Variants in ITGA9 observed in about 807,000 individuals in gnomAD.
ITGA9 encodes integrin alpha-9.
Under a neutral mutation model 127.8 loss-of-function variants are expected in ITGA9, and 56 were observed. That is an observed-to-expected ratio of 0.44 (90% CI 0.35 to 0.55). ITGA9 has a LOEUF of 0.55. Among genes scored for constraint, ITGA9 ranks in the 20% least tolerant of loss-of-function variants. The probability of loss-of-function intolerance (pLI) is 0.00; values close to 1 mark genes in which losing one functional copy is unlikely to be tolerated. For missense variants in ITGA9, 1,196 were observed against 1,347.1 expected, an observed-to-expected ratio of 0.89 and a Z score of 1.76; for synonymous variants, 508 against 514.5, an observed-to-expected ratio of 0.99 and a Z score of 0.17.
intron 27 of ITGA9, among the ~76,000 whole-genome samples, chr3:37,813,288 A>AAAC: frequency 6.6e-6 from 1 of 152,340 alleles, no homozygotes; most frequent in Non-Finnish European, 1.5e-5. Context: ...TAAAGTCAAA[A>AAAC]AACTGTTAAG....
chr3:37,621,818 A>C (rs974152509), intron 15 of ITGA9, among the ~76,000 whole-genome samples: 3 of 152,206 alleles, frequency 2.0e-5, no homozygotes, highest in Non-Finnish European at 4.4e-5. Context: ...ATTGCTTATA[A>C]ACTAATATAT....
At chr3:37,468,256 C>T (rs1408524275) in intron 1 of ITGA9, among the ~76,000 whole-genome samples, 2 of 151,994 alleles carry the variant, frequency 1.3e-5, no homozygotes, top group African/African-American at 4.8e-5. Context: ...CTCTCACTCC[C>T]CAGCAGGGCA....
Position 37,523,572 on chromosome 3 carries a change from A to C in ITGA9, c.1288A>C (p.Ile430Leu). Reference sequence around the variant, plus strand: ...AGTGCTCCGGATGTTTGGTCAGTCCATATCGGGAGGCATTGATATGGATGG... The same window carrying C: ...AGTGCTCCGGATGTTTGGTCAGTCCCTATCGGGAGGCATTGATATGGATGG... The part of the protein sequence containing the change: ...NPVLRMFGQS[I>L]SGGIDMDGNG... The change falls in exon 12 of 28, where the codon ATA becomes CTA. Residue 430 changes from isoleucine (I) to leucine (L), a missense_variant. Ile to Leu is a conservative substitution (Grantham distance 5). Transcript: ENST00000264741. 6.2e-7 allele frequency: 1 copy of C among 1,614,068 alleles called. No individual in the cohort carries two copies. Among genetic ancestry groups the C allele is most frequent in the Non-Finnish European group, 8.5e-7 (1 of 1,179,946 alleles).
chr3:37,732,913 C>T (rs1316666560), intron 19 of ITGA9, 115 bp downstream of exon 19: 2 of 795,172 alleles, frequency 2.5e-6, no homozygotes, highest in Non-Finnish European at 4.3e-6. Flanking sequence ...CCTCCCATAG[C>T]AGCTGGGGCG....
intron 5 of ITGA9, among the ~76,000 whole-genome samples, chr3:37,500,816 A>G (rs1698780034): frequency 6.6e-6 from 1 of 152,180 alleles, no homozygotes; most frequent in Non-Finnish European, 1.5e-5. Flanking sequence ...GACGGGGTGC[A>G]GGGGAATTCT....
intron 9 of ITGA9, among the ~76,000 whole-genome samples, chr3:37,517,073 A>C (rs114568283): frequency 6.6e-6 from 1 of 152,242 alleles, no homozygotes; most frequent in East Asian, 1.9e-4. Context: ...AAACAGTTTT[A>C]TAAACTTGTA....
chr3:37,585,278 TC>T (rs1437018232), intron 15 of ITGA9, among the ~76,000 whole-genome samples: 1 of 152,176 alleles, frequency 6.6e-6, no homozygotes, highest in Non-Finnish European at 1.5e-5. Context: ...CAGTAGGTGC[TC>T]AATAAGTGCA....
chr3:37,606,673 C>T (rs1434815672), intron 15 of ITGA9, among the ~76,000 whole-genome samples: 3 of 152,222 alleles, frequency 2.0e-5, no homozygotes, highest in Admixed American at 6.5e-5. Flanking sequence ...AGCATTTCAC[C>T]GCTGTCCTCG....
At chr3:37,722,543 G>A (rs1343024978) in intron 18 of ITGA9, among the ~76,000 whole-genome samples, 1 of 152,188 alleles carries the variant, frequency 6.6e-6, no homozygotes, top group Non-Finnish European at 1.5e-5. Flanking sequence ...TGGACATTGT[G>A]TATAAGTGGA....
chr3:37,706,459 T>G (rs1240475039), intron 18 of ITGA9, among the ~76,000 whole-genome samples: 9 of 152,058 alleles, frequency 5.9e-5, no homozygotes, highest in Non-Finnish European at 8.8e-5. Context: ...CCCCAGAAAG[T>G]AAGAAAGAAG....
intron 17 of ITGA9, among the ~76,000 whole-genome samples, chr3:37,672,523 G>A (rs1429537032): frequency 6.6e-6 from 1 of 152,170 alleles, no homozygotes; most frequent in Non-Finnish European, 1.5e-5. Context: ...CCAGTCTCAA[G>A]TATATCTTTA....
At chr3:37,515,484 C>T (rs1220527596) in intron 9 of ITGA9, among the ~76,000 whole-genome samples, 2 of 152,046 alleles carry the variant, frequency 1.3e-5, no homozygotes, top group African/African-American at 2.4e-5. Flanking sequence ...AGATCTAAAA[C>T]CAGGGAGGTT....
chr3:37,515,735 A>G lies in ITGA9; in HGVS notation c.1036-1769A>G, dbSNP rs1165379324. ...TGGGTGACAGAGTGAGACCTTGTCAATCAGTTAGTCAACAAGCCAACAAGC... is the reference window on the plus strand; with the variant it reads ...TGGGTGACAGAGTGAGACCTTGTCAGTCAGTTAGTCAACAAGCCAACAAGC... On this transcript the variant is annotated intron_variant, in intron 9 of 27. Transcript: ENST00000264741. Among the ~76,000 whole-genome samples, 6 of 152,134 alleles carry G rather than the reference A, an allele frequency of 3.9e-5. No individual in the cohort carries two copies. The South Asian group carries it at 1.2e-3, about 32-fold the overall frequency.
intron 16 of ITGA9, among the ~76,000 whole-genome samples, chr3:37,642,562 C>T (rs1700343692): frequency 6.6e-6 from 1 of 152,240 alleles, no homozygotes; most frequent in African/African-American, 2.4e-5. Flanking sequence ...TGTAATCCCT[C>T]TGGGAATTCC....
At chr3:37,461,800 T>A (rs956522286) in intron 1 of ITGA9, among the ~76,000 whole-genome samples, 19 of 152,172 alleles carry the variant, frequency 1.2e-4, no homozygotes, top group Non-Finnish European at 2.6e-4. Flanking sequence ...ATCTTTGGGA[T>A]TGTAAATCCT....
intron 23 of ITGA9, among the ~76,000 whole-genome samples, chr3:37,751,739 A>C (rs572782952): frequency 6.6e-6 from 1 of 152,252 alleles, no homozygotes; most frequent in African/African-American, 2.4e-5. Context: ...GTTCTGGCTG[A>C]GTGGACCCTC....
intron 15 of ITGA9, among the ~76,000 whole-genome samples, chr3:37,557,391 A>T (rs1358316983): frequency 6.6e-6 from 1 of 152,168 alleles, no homozygotes; most frequent in South Asian, 2.1e-4. Flanking sequence ...GGCAGAAAGG[A>T]TTCTGTCACC....
chr3:37,744,591 T>C (rs1191076312), intron 22 of ITGA9, among the ~76,000 whole-genome samples: 1 of 152,198 alleles, frequency 6.6e-6, no homozygotes, highest in Non-Finnish European at 1.5e-5. Flanking sequence ...CAGGCATCAT[T>C]TCCAGCAAGT....
At chr3:37,808,119 C>G (rs542664391) in intron 27 of ITGA9, 4 of 152,014 alleles carry the variant, frequency 2.6e-5, no homozygotes, top group Non-Finnish European at 5.9e-5. Flanking sequence ...CTCTTCCCAC[C>G]GCAGACCAGC....
Sources: allele counts gnomAD v4.1 joint callset (sites outside exome capture counted in the v4.1 genomes callset), GRCh38; gene constraint gnomAD v4.1.1; transcripts MANE v1.5; gene names NCBI Gene and HGNC (gene_info 2026-07-23, HGNC 2026-07-21).